Variants in CFAP299 observed in about 807,000 individuals in gnomAD.
CFAP299 encodes the protein cilia- and flagella-associated protein 299.
In CFAP299, 21 loss-of-function variants were observed where a neutral mutation model predicts 27.0. The ratio of observed to expected loss-of-function variants is 0.78; its 90% CI spans 0.55 to 1.12. The LOEUF (loss-of-function observed/expected upper bound fraction) is 1.12. Ranked by LOEUF, CFAP299 falls within the 50% of genes most tolerant of loss-of-function variation. CFAP299 has a pLI of 0.00. For synonymous variants in CFAP299, 104 were observed against 98.1 expected (o/e 1.06, Z -0.36); for missense variants, 310 against 276.6 (o/e 1.12, Z -0.86).
chr4:80,849,157 A>G (rs760256830), intron 3 of CFAP299, among the ~76,000 whole-genome samples: 24 of 152,084 alleles, frequency 1.6e-4, no homozygotes, highest in Non-Finnish European at 2.6e-4. Flanking sequence ...CATTCTACAA[A>G]CTTTTTCTTT....
At position 80,352,179 on chromosome 4, in the gene CFAP299, C is replaced by T. The variant is rs1264374937; in HGVS notation, c.112-10575C>T. Among the ~76,000 whole-genome samples, 3 of 152,206 alleles carry T rather than the reference C, an allele frequency of 2.0e-5. No homozygotes were observed. The East Asian group carries it at 5.8e-4, about 29-fold the overall frequency. ...AATTGATAAGAATTGAAAGAGTAGA[C>T]AAATTCACAATTGTTTCTAGAGACA... On this transcript the variant is annotated intron_variant, in intron 1 of 5. Transcript: ENST00000358105.
At chr4:80,913,788 G>A (rs909567800) in intron 4 of CFAP299, among the ~76,000 whole-genome samples, 7 of 152,226 alleles carry the variant, frequency 4.6e-5, no homozygotes, top group South Asian at 4.1e-4. Context: ...TCTACACACC[G>A]CCACAATTAA....
chr4:80,342,223 G>A (rs960061428), intron 1 of CFAP299, among the ~76,000 whole-genome samples: 2 of 152,290 alleles, frequency 1.3e-5, no homozygotes, highest in Admixed American at 6.5e-5. Context: ...TGGAAGAACC[G>A]AACCAAGTTT....
In CFAP299 at chr4:80,963,665, G is replaced by A; in HGVS notation, c.*53G>A. The stretch of plus-strand genomic sequence containing the variant: ...TTGCTAAATTTAAATAAATTCCGTA[G>A]ACAGAGCAAATTAGAATAATAAATG... On this transcript the variant is annotated 3_prime_UTR_variant, in exon 6 of 6. Transcript: ENST00000358105. The A allele has an allele frequency of 8.3e-7, 1 of 1,207,812 alleles. No individual in the cohort carries two copies. Among genetic ancestry groups the A allele is most frequent in the Non-Finnish European group, 1.2e-6 (1 of 828,546 alleles). 74.8% of individuals were successfully genotyped at this position (1,207,812 alleles called of 1,614,324 possible). A position where few individuals can be genotyped will look rare whatever the true frequency, so the allele number is the denominator to read the frequency against.
chr4:80,835,981 C>T (rs530152683), intron 3 of CFAP299, among the ~76,000 whole-genome samples: 2 of 152,314 alleles, frequency 1.3e-5, no homozygotes, highest in South Asian at 4.1e-4. Flanking sequence ...TATATTACTA[C>T]ATGATCTTTC....
chr4:80,868,368 A>C (rs192483068), intron 3 of CFAP299, among the ~76,000 whole-genome samples: 1 of 152,218 alleles, frequency 6.6e-6, no homozygotes, highest in African/African-American at 2.4e-5. Context: ...TGGTCTGAAG[A>C]TGTTTATATT....
intron 2 of CFAP299, among the ~76,000 whole-genome samples, chr4:80,494,174 C>T (rs1278040492): frequency 1.3e-5 from 2 of 152,032 alleles, no homozygotes; most frequent in Non-Finnish European, 2.9e-5. Flanking sequence ...GGTTCCTGTC[C>T]AAAAGAGACC....
chr4:80,785,277 C>T (rs781379995), intron 3 of CFAP299, among the ~76,000 whole-genome samples: 1 of 151,848 alleles, frequency 6.6e-6, no homozygotes, highest in Non-Finnish European at 1.5e-5. Context: ...TTCCTAGCAT[C>T]GTATATTGAA....
At chr4:80,391,535 C>T (rs1725481892) in intron 2 of CFAP299, among the ~76,000 whole-genome samples, 2 of 152,034 alleles carry the variant, frequency 1.3e-5, no homozygotes, top group African/African-American at 2.4e-5. Context: ...TGACAGACTG[C>T]GTATGCAAGG....
At chr4:80,867,460 A>G (rs1015319367) in intron 3 of CFAP299, among the ~76,000 whole-genome samples, 2 of 152,196 alleles carry the variant, frequency 1.3e-5, no homozygotes, top group African/African-American at 4.8e-5. Flanking sequence ...TTAACTTATT[A>G]TAATCTGTGT....
intron 3 of CFAP299, among the ~76,000 whole-genome samples, chr4:80,652,055 T>C (rs1369299475): frequency 1.3e-5 from 2 of 152,144 alleles, no homozygotes; most frequent in Non-Finnish European, 2.9e-5. Flanking sequence ...CTCAGGAAGA[T>C]GAAAAGTTAG....
At chr4:80,941,544 A>G (rs201748425) in intron 4 of CFAP299, among the ~76,000 whole-genome samples, 1 of 152,222 alleles carries the variant, frequency 6.6e-6, no homozygotes, top group East Asian at 1.9e-4. Context: ...CAACTAGCTC[A>G]ACTATTTGTC....
At chr4:80,785,483 C>G (rs1240113580) in intron 3 of CFAP299, among the ~76,000 whole-genome samples, 1 of 152,128 alleles carries the variant, frequency 6.6e-6, no homozygotes, top group Non-Finnish European at 1.5e-5. Flanking sequence ...AATAGATACT[C>G]TAGTAACCTT....
intron 4 of CFAP299, among the ~76,000 whole-genome samples, chr4:80,936,823 A>G (rs1736913720): frequency 6.6e-6 from 1 of 152,188 alleles, no homozygotes; most frequent in African/African-American, 2.4e-5. Context: ...ACATGATAAG[A>G]TGAAAAAAAT....
At chr4:80,679,473 G>A (rs537067397) in intron 3 of CFAP299, among the ~76,000 whole-genome samples, 3 of 152,032 alleles carry the variant, frequency 2.0e-5, no homozygotes, top group African/African-American at 4.8e-5. Context: ...GCAAGTGCAC[G>A]TTTCATTTTA....
At chr4:80,468,557 G>A (rs568339442) in intron 2 of CFAP299, among the ~76,000 whole-genome samples, 1 of 152,092 alleles carries the variant, frequency 6.6e-6, no homozygotes, top group African/African-American at 2.4e-5. Context: ...CAGTGAGGCT[G>A]GGCATGGCGA....
chr4:80,686,043 A>G (rs1040917584), intron 3 of CFAP299, among the ~76,000 whole-genome samples: 37 of 152,284 alleles, frequency 2.4e-4, no homozygotes, highest in African/African-American at 7.9e-4. Flanking sequence ...GCTAAGAACG[A>G]TTTTCACAGT....
chr4:80,961,455 T>C (rs1738340913), intron 5 of CFAP299, among the ~76,000 whole-genome samples: 1 of 151,814 alleles, frequency 6.6e-6, no homozygotes, highest in Non-Finnish European at 1.5e-5. Flanking sequence ...GCTTTTAATT[T>C]CCTAATTTTT....
At chr4:80,548,666 C>G (rs1437222122) in intron 2 of CFAP299, among the ~76,000 whole-genome samples, 1 of 152,104 alleles carries the variant, frequency 6.6e-6, no homozygotes, top group Non-Finnish European at 1.5e-5. Flanking sequence ...TGAGGCTCCT[C>G]CATCCTCCTA....
Sources: allele counts gnomAD v4.1 joint callset (sites outside exome capture counted in the v4.1 genomes callset), GRCh38; gene constraint gnomAD v4.1.1; transcripts MANE v1.5; gene names NCBI Gene and HGNC (gene_info 2026-07-23, HGNC 2026-07-21).